DPP6: variants seen among roughly 807,000 people sequenced by gnomAD.
DPP6 encodes the protein dipeptidyl peptidase like 6, also known as A-type potassium channel modulatory protein DPP6.
A neutral mutation model predicts 122.6 loss-of-function variants in DPP6; 69 were observed. The observed-to-expected ratio is 0.56, with a 90% confidence interval of 0.46 to 0.69. The LOEUF is 0.69. Ranked by LOEUF, DPP6 falls within the 30% of genes least tolerant of loss-of-function variation. DPP6 has a pLI of 0.00. For missense variants in DPP6, 928 were observed against 1,116.9 expected (o/e 0.83, Z 2.41); for synonymous variants, 418 against 433.1 (o/e 0.97, Z 0.43).
the DPP6 span, among the ~76,000 whole-genome samples, chr7:153,877,905 C>CAAAT: frequency 0.69 from 104,326 of 151,490 alleles, 36,120 homozygotes; most frequent in African/African-American, 0.76. Context: ...AAAGGTTTGA[C>CAAAT]AAATAAAGAT....
intron 6 of DPP6, among the ~76,000 whole-genome samples, chr7:154,661,831 G>A (rs1176932344): frequency 6.8e-6 from 1 of 146,666 alleles, no homozygotes; most frequent in African/African-American, 2.6e-5. Context: ...CGCAGTCATG[G>A]TGAATCACCA....
At chr7:154,108,424 A>G (rs991995934) in intron 1 of DPP6, among the ~76,000 whole-genome samples, 1 of 152,186 alleles carries the variant, frequency 6.6e-6, no homozygotes, top group African/African-American at 2.4e-5. Context: ...CACTCCAGGG[A>G]TCATCTGCTG....
At chr7:153,958,036 C>T (rs4726355) in intron 1 of DPP6, among the ~76,000 whole-genome samples, 62,212 of 151,788 alleles carry the variant, frequency 0.41, 12,919 homozygotes, top group Admixed American at 0.51. Context: ...TGGTGGTGGG[C>T]GTCTGTAATC....
intron 1 of DPP6, among the ~76,000 whole-genome samples, chr7:154,005,919 A>C (rs979475779): frequency 8.5e-5 from 13 of 152,154 alleles, no homozygotes; most frequent in Non-Finnish European, 1.8e-4. Context: ...CTCAGCCAGC[A>C]CTACCTAGGC....
At chr7:154,751,602 T>TTC (rs1843390471) in intron 8 of DPP6, among the ~76,000 whole-genome samples, 1 of 131,376 alleles carries the variant, frequency 7.6e-6, no homozygotes, top group Non-Finnish European at 1.6e-5. Flanking sequence ...AGAGTGAGAC[T>TTC]CTGTCTCAAA....
chr7:154,756,556 C>T (rs934953657), intron 8 of DPP6, among the ~76,000 whole-genome samples: 2 of 152,156 alleles, frequency 1.3e-5, no homozygotes, highest in African/African-American at 4.8e-5. Context: ...CCCATGGTCA[C>T]AGCTGGTAGG....
At chr7:154,593,623 G>A (rs1000132472) in intron 5 of DPP6, among the ~76,000 whole-genome samples, 6 of 152,170 alleles carry the variant, frequency 3.9e-5, no homozygotes, top group African/African-American at 7.2e-5. Context: ...AATGCATCAC[G>A]TACTCAGAAG....
At chr7:154,724,394 C>G (rs1841964824) in intron 7 of DPP6, among the ~76,000 whole-genome samples, 1 of 152,174 alleles carries the variant, frequency 6.6e-6, no homozygotes, top group East Asian at 1.9e-4. Context: ...AGGTCACTTC[C>G]CATGGTCAAT....
chr7:153,792,660 C>CT, the DPP6 span, among the ~76,000 whole-genome samples: 2,123 of 146,218 alleles, frequency 0.015, 25 homozygotes, highest in Non-Finnish European at 0.022. Context: ...TAAAGTTGTT[C>CT]TTTTTTTTTT....
At position 154,409,977 on chromosome 7, in the gene DPP6, C is replaced by G. The variant is rs527738034; in HGVS notation, c.244-36237C>G. Among the ~76,000 whole-genome samples, 108 of 152,318 alleles carry G rather than the reference C, an allele frequency of 7.1e-4. No homozygotes were observed. In the South Asian group the frequency reaches 0.02, roughly 28 times the overall value. On this transcript the variant is annotated intron_variant, in intron 1 of 25. Coordinates refer to ENST00000377770, the MANE Select transcript of DPP6 (RefSeq NM_130797.4). ...AGACAGAGGAGAAAATAGACAAGAA[C>G]ATAACATTTAAGCACAGGTACAGTC... is the stretch of plus-strand genomic sequence containing the variant.
At chr7:154,418,068 ATTTGCAGGAGTC>A (rs1450217277) in intron 1 of DPP6, among the ~76,000 whole-genome samples, 1 of 152,232 alleles carries the variant, frequency 6.6e-6, no homozygotes, top group East Asian at 1.9e-4. Flanking sequence ...TAGGACCTGC[ATTTGCAGGAGTC>A]TTTGTCTCCT....
chr7:154,337,244 G>A (rs887926), intron 1 of DPP6, among the ~76,000 whole-genome samples: 126,883 of 152,210 alleles, frequency 0.83, 53,170 homozygotes, highest in East Asian at 0.94. Context: ...CCTCCCAAAT[G>A]GAACCCTCGT....
chr7:153,941,843 A>C (rs1238449601), intron 1 of DPP6, among the ~76,000 whole-genome samples: 3 of 151,082 alleles, frequency 2.0e-5, no homozygotes, highest in Non-Finnish European at 3.0e-5. Context: ...TCTCTCTTGC[A>C]CTCCTCTCTC....
chr7:154,452,719 G>A (rs918145791), intron 2 of DPP6, among the ~76,000 whole-genome samples: 2 of 152,274 alleles, frequency 1.3e-5, no homozygotes, highest in Admixed American at 6.5e-5. Context: ...AATCTCATGC[G>A]CATGGTGGAG....
At chr7:154,596,036 G>A (rs1212433819) in intron 5 of DPP6, among the ~76,000 whole-genome samples, 3 of 151,994 alleles carry the variant, frequency 2.0e-5, no homozygotes, top group African/African-American at 7.3e-5. Context: ...CTCCTGCCTG[G>A]GTGACAGAGC....
chr7:154,735,032 G>T (rs1236829072), intron 8 of DPP6, among the ~76,000 whole-genome samples: 5 of 152,192 alleles, frequency 3.3e-5, no homozygotes, highest in Non-Finnish European at 7.3e-5. Flanking sequence ...GCAATGTCAG[G>T]AATCGGAAGC....
chr7:154,466,953 T>C (rs1375565908), intron 2 of DPP6, among the ~76,000 whole-genome samples: 2 of 152,216 alleles, frequency 1.3e-5, no homozygotes, highest in Non-Finnish European at 2.9e-5. Context: ...TGAGTAGGCC[T>C]CAGGGCATAC....
chr7:153,975,579 T>A (rs1253724101), intron 1 of DPP6, among the ~76,000 whole-genome samples: 1 of 151,328 alleles, frequency 6.6e-6, no homozygotes, highest in African/African-American at 2.4e-5. Context: ...GCAATGAGAG[T>A]TCTATTTTTT....
the DPP6 span, among the ~76,000 whole-genome samples, chr7:153,814,210 A>G: frequency 6.7e-6 from 1 of 150,306 alleles, no homozygotes; most frequent in African/African-American, 2.4e-5. Context: ...GACCACTAGC[A>G]AGACTAATAA....
Sources: gnomAD v4.1 joint callset for allele counts (sites outside exome capture counted in the v4.1 genomes callset) on GRCh38, gnomAD v4.1.1 for gene constraint, MANE v1.5 for transcripts, NCBI Gene and HGNC (gene_info 2026-07-23, HGNC 2026-07-21) for gene names.